Variants in EYA2 observed in about 807,000 individuals in gnomAD.
The protein encoded by EYA2 is EYA transcriptional coactivator and phosphatase 2.
A neutral mutation model predicts 69.2 loss-of-function variants in EYA2; 31 were observed. The ratio of observed to expected loss-of-function variants is 0.45; its 90% CI spans 0.34 to 0.60. The LOEUF (loss-of-function observed/expected upper bound fraction) is 0.60. Ranked by LOEUF, EYA2 falls within the 20% of genes least tolerant of loss-of-function variation. The pLI is 0.02. For missense variants in EYA2, 622 were observed against 701.2 expected, an observed-to-expected ratio of 0.89 and a Z score of 1.28; for synonymous variants, 257 against 279.4, an observed-to-expected ratio of 0.92 and a Z score of 0.80.
At chr20:47,158,233 G>C (rs1424333442) in intron 10 of EYA2, among the ~76,000 whole-genome samples, 3 of 152,138 alleles carry the variant, frequency 2.0e-5, no homozygotes, top group South Asian at 2.1e-4. Flanking sequence ...ACTGAAGACT[G>C]TCTGGGTGCA....
chr20:47,081,867 T>C lies in EYA2; in HGVS notation c.662-7372T>C, dbSNP rs187286651. 2.7e-3 allele frequency among the ~76,000 whole-genome samples: 402 copies of C among 149,410 alleles called. 1 individual carries two copies. The highest frequency in any genetic ancestry group is 9.3e-3 in the African/African-American group (376 of 40,496). Reference sequence around the variant, plus strand: ...CTATTATTATTATTTTGAGACAGAGTCTCGATCTGTCGCCCAGGCTGGAGT... The same window carrying C: ...CTATTATTATTATTTTGAGACAGAGCCTCGATCTGTCGCCCAGGCTGGAGT... On this transcript the variant is annotated intron_variant, in intron 7 of 15. Transcript: ENST00000327619.
intron 9 of EYA2, among the ~76,000 whole-genome samples, chr20:47,137,055 C>G (rs1451298941): frequency 6.6e-6 from 1 of 152,106 alleles, no homozygotes; most frequent in Non-Finnish European, 1.5e-5. Context: ...TAGCCCCCAG[C>G]ATGGTCCTTC....
intron 1 of EYA2, among the ~76,000 whole-genome samples, chr20:46,985,747 T>C (rs866090136): frequency 1.3e-5 from 2 of 152,162 alleles, no homozygotes; most frequent in South Asian, 2.1e-4. Context: ...GTTGCTGCCA[T>C]GCAAGAATAA....
At chr20:47,170,377 T>C (rs992789498) in intron 11 of EYA2, among the ~76,000 whole-genome samples, 8 of 151,440 alleles carry the variant, frequency 5.3e-5, no homozygotes, top group Non-Finnish European at 1.0e-4. Context: ...CCGGGTGTGG[T>C]GGCTCACGCC....
At chr20:47,144,153 C>T (rs1285702595) in intron 10 of EYA2, among the ~76,000 whole-genome samples, 1 of 152,116 alleles carries the variant, frequency 6.6e-6, no homozygotes, top group Admixed American at 6.5e-5. Context: ...GTCAGGAGAT[C>T]GAGACCATCC....
chr20:46,904,591 GT>G (rs1984267153), intron 1 of EYA2, among the ~76,000 whole-genome samples: 1 of 152,060 alleles, frequency 6.6e-6, no homozygotes, highest in Non-Finnish European at 1.5e-5. Flanking sequence ...TAAAAGGGAA[GT>G]AATGGGAAGG....
At chr20:47,164,894 A>G (rs1008031) in intron 10 of EYA2, among the ~76,000 whole-genome samples, 22,653 of 152,162 alleles carry the variant, frequency 0.15, 1,718 homozygotes, top group Middle Eastern at 0.18. Context: ...AGCTAAGTAG[A>G]TATGTCTCCA....
At chr20:47,101,896 G>A (rs1004196173) in intron 9 of EYA2, among the ~76,000 whole-genome samples, 4 of 152,222 alleles carry the variant, frequency 2.6e-5, no homozygotes, top group African/African-American at 4.8e-5. Flanking sequence ...CTCAGCTTCT[G>A]GCTCACAGTT....
At chr20:47,160,215 T>A in intron 10 of EYA2, among the ~76,000 whole-genome samples, 1 of 152,090 alleles carries the variant, frequency 6.6e-6, no homozygotes, top group Non-Finnish European at 1.5e-5. Flanking sequence ...AGGAGGTGAC[T>A]GTAGTAGCCT....
intron 1 of EYA2, among the ~76,000 whole-genome samples, chr20:46,968,543 T>G (rs949147337): frequency 1.3e-5 from 2 of 152,170 alleles, no homozygotes; most frequent in African/African-American, 2.4e-5. Flanking sequence ...GGAAAGCTCA[T>G]TCCCCTCCCC....
chr20:46,907,879 C>G (rs961177477), intron 1 of EYA2, among the ~76,000 whole-genome samples: 1 of 150,686 alleles, frequency 6.6e-6, no homozygotes, highest in Admixed American at 6.6e-5. Context: ...GTGCCTGGAG[C>G]GACTGTCTAT....
chr20:46,957,048 G>A (rs1222071516), intron 1 of EYA2, among the ~76,000 whole-genome samples: 1 of 152,182 alleles, frequency 6.6e-6, no homozygotes, highest in Non-Finnish European at 1.5e-5. Flanking sequence ...GGGACACAGA[G>A]CCAAACCATA....
chr20:47,057,453 T>G (rs2030682783), intron 5 of EYA2, among the ~76,000 whole-genome samples: 1 of 151,904 alleles, frequency 6.6e-6, no homozygotes, highest in Non-Finnish European at 1.5e-5. Flanking sequence ...CTCACGCCTC[T>G]CTACCCACTT....
At chr20:47,079,425 T>C (rs1181203348) in intron 7 of EYA2, among the ~76,000 whole-genome samples, 2 of 152,182 alleles carry the variant, frequency 1.3e-5, no homozygotes, top group Admixed American at 6.5e-5. Context: ...CTGCCTTCCT[T>C]GGCTCATGAC....
At chr20:47,165,499 C>T (rs529867896) in intron 10 of EYA2, among the ~76,000 whole-genome samples, 1 of 152,234 alleles carries the variant, frequency 6.6e-6, no homozygotes, top group Admixed American at 6.5e-5. Context: ...CCAGAGCTGA[C>T]CCCTAGGAAG....
intron 1 of EYA2, among the ~76,000 whole-genome samples, chr20:46,963,718 C>G (rs1158171841): frequency 6.6e-6 from 1 of 152,200 alleles, no homozygotes; most frequent in Admixed American, 6.5e-5. Flanking sequence ...GCAAAGAACA[C>G]CTGAAGGTGG....
At chr20:46,932,678 T>A (rs1985723015) in intron 1 of EYA2, among the ~76,000 whole-genome samples, 1 of 151,950 alleles carries the variant, frequency 6.6e-6, no homozygotes, top group African/African-American at 2.4e-5. Flanking sequence ...AGGTCAGGAG[T>A]TCGAGACCAG....
Position 47,147,024 on chromosome 20 carries a change from AC to A in EYA2, c.978+3877del, listed in dbSNP as rs1362372665. 2.1e-5 allele frequency among the ~76,000 whole-genome samples: 3 copies of A among 143,142 alleles called. No individual in the cohort carries two copies. In the East Asian group the frequency reaches 6.1e-4, roughly 29 times the overall value. 93.9% of individuals were successfully genotyped at this position (143,142 alleles called of 152,430 possible). A position where few individuals can be genotyped will look rare whatever the true frequency, so the allele number is the denominator to read the frequency against. On this transcript the variant is annotated intron_variant, in intron 10 of 15. Transcript: ENST00000327619. ...CCAGGGCTTTTGTTTTGTGGTTTTT[AC>A]TTGTTATATCCAGGAGAGGCTCCTC...
intron 9 of EYA2, among the ~76,000 whole-genome samples, chr20:47,115,894 C>T (rs908713740): frequency 1.3e-5 from 2 of 152,198 alleles, no homozygotes; most frequent in Non-Finnish European, 1.5e-5. Context: ...TTTCACCCAC[C>T]CCCAGCACTG....
Sources: allele counts gnomAD v4.1 joint callset (sites outside exome capture counted in the v4.1 genomes callset), GRCh38; gene constraint gnomAD v4.1.1; transcripts MANE v1.5; gene names NCBI Gene and HGNC (gene_info 2026-07-23, HGNC 2026-07-21).